DNAJC1: variants seen among roughly 807,000 people sequenced by gnomAD.
The protein encoded by DNAJC1 is dnaJ homolog subfamily C member 1.
In DNAJC1, 58 loss-of-function variants were observed where a neutral mutation model predicts 76.6. The ratio of observed to expected loss-of-function variants is 0.76; its 90% CI spans 0.61 to 0.94. DNAJC1 has a LOEUF of 0.94. DNAJC1 is among the 40% of genes least tolerant of loss of function. The pLI is 0.00. For synonymous variants in DNAJC1, 258 were observed against 267.9 expected (o/e 0.96, Z 0.36); for missense variants, 689 against 677.3 (o/e 1.02, Z -0.19).
intron 8 of DNAJC1, among the ~76,000 whole-genome samples, chr10:21,838,099 C>T (rs962724107): frequency 1.6e-4 from 23 of 147,860 alleles, no homozygotes; most frequent in South Asian, 4.3e-4. Context: ...CCCCTCTGCC[C>T]GGCCGCCACC....
intron 8 of DNAJC1, among the ~76,000 whole-genome samples, chr10:21,835,942 C>T (rs192905546): frequency 6.6e-6 from 1 of 152,298 alleles, no homozygotes; most frequent in African/African-American, 2.4e-5. Context: ...TCTAGCAAGG[C>T]AGGCCACCAT....
chr10:21,837,181 G>T (rs1044196237), intron 8 of DNAJC1, among the ~76,000 whole-genome samples: 1 of 152,182 alleles, frequency 6.6e-6, no homozygotes, highest in Admixed American at 6.5e-5. Context: ...CCGAGGTGCC[G>T]GGATTGCAGA....
intron 9 of DNAJC1, among the ~76,000 whole-genome samples, chr10:21,780,308 T>C (rs1267550456): frequency 6.6e-6 from 1 of 151,926 alleles, no homozygotes; most frequent in Non-Finnish European, 1.5e-5. Context: ...TTCACCAAAG[T>C]TGAAATGAAG....
chr10:21,872,225 C>G (rs892548033), intron 8 of DNAJC1, among the ~76,000 whole-genome samples: 2 of 151,892 alleles, frequency 1.3e-5, no homozygotes, highest in Non-Finnish European at 2.9e-5. Context: ...AGGTGCCCAC[C>G]ACCACACCCG....
intron 8 of DNAJC1, among the ~76,000 whole-genome samples, chr10:21,859,131 T>C (rs146939665): frequency 1.8e-3 from 267 of 152,326 alleles, no homozygotes; most frequent in Middle Eastern, 3.4e-3. Flanking sequence ...CTGTCACTGA[T>C]GAAAGCCCTG....
chr10:21,951,301 CAG>C (rs1200529638), intron 1 of DNAJC1, among the ~76,000 whole-genome samples: 1 of 150,304 alleles, frequency 6.7e-6, no homozygotes, highest in Admixed American at 6.6e-5. Context: ...GCCTGGGTGA[CAG>C]AGCGAGATCC....
At chr10:21,926,120 T>C (rs1837123741) in intron 3 of DNAJC1, among the ~76,000 whole-genome samples, 1 of 152,114 alleles carries the variant, frequency 6.6e-6, no homozygotes, top group Admixed American at 6.5e-5. Flanking sequence ...CCAGGCTAAC[T>C]TTTGTATTTT....
At chr10:21,807,280 G>A (rs1369421918) in intron 8 of DNAJC1, among the ~76,000 whole-genome samples, 1 of 152,156 alleles carries the variant, frequency 6.6e-6, no homozygotes, top group Non-Finnish European at 1.5e-5. Context: ...AGTCAGAGGT[G>A]AGTGACCCCA....
intron 8 of DNAJC1, among the ~76,000 whole-genome samples, chr10:21,816,910 T>C (rs756807738): frequency 7.1e-4 from 102 of 142,764 alleles, no homozygotes; most frequent in Non-Finnish European, 1.3e-3. Flanking sequence ...ACCCCAGCAC[T>C]TTGGGAGGCC....
chr10:21,799,370 C>T (rs1285664567), intron 9 of DNAJC1, among the ~76,000 whole-genome samples: 1 of 152,106 alleles, frequency 6.6e-6, no homozygotes, highest in East Asian at 1.9e-4. Flanking sequence ...ATGAACATGA[C>T]TCATTGCAAC....
chr10:21,932,445 C>T (rs1013435824), intron 1 of DNAJC1, among the ~76,000 whole-genome samples: 1 of 152,176 alleles, frequency 6.6e-6, no homozygotes, highest in Non-Finnish European at 1.5e-5. Flanking sequence ...ACTCCAAGTT[C>T]GTCCCTCCAG....
intron 8 of DNAJC1, among the ~76,000 whole-genome samples, chr10:21,834,126 C>A (rs950303665): frequency 6.6e-6 from 1 of 151,746 alleles, no homozygotes; most frequent in Non-Finnish European, 1.5e-5. Flanking sequence ...TAACCGGGCA[C>A]GGTGGCGGGC....
intron 9 of DNAJC1, among the ~76,000 whole-genome samples, chr10:21,782,636 G>A (rs954161275): frequency 2.0e-5 from 3 of 152,098 alleles, no homozygotes; most frequent in South Asian, 2.1e-4. Flanking sequence ...GATGAACATC[G>A]ATGCAAAAAT....
At chr10:21,910,185 G>A (rs1025326615) in intron 6 of DNAJC1, among the ~76,000 whole-genome samples, 4 of 151,412 alleles carry the variant, frequency 2.6e-5, no homozygotes, top group Middle Eastern at 3.4e-3. Context: ...GCAAGATCTC[G>A]GCTCACTGCA....
intron 8 of DNAJC1, among the ~76,000 whole-genome samples, chr10:21,807,558 C>T (rs1053719175): frequency 6.6e-6 from 1 of 152,210 alleles, no homozygotes; most frequent in Non-Finnish European, 1.5e-5. Context: ...ATTTGCAAAG[C>T]AAACTACTTT....
rs1834595397 is a variant in DNAJC1, at chr10:21,785,619, G to A, written c.1099-19310C>T. The A allele has an allele frequency of 2.0e-5, 3 of 152,206 alleles. No homozygotes were observed. In the South Asian group the frequency reaches 6.2e-4, roughly 32 times the overall value. 9.4% of individuals were successfully genotyped at this position (152,206 alleles called of 1,614,324 possible). The stretch of plus-strand genomic sequence containing the variant: ...TAAAACTGTCTTTGTTGAAGGGATA[G>A]TCTGGCAAGTGTTCCAAGTGGAAGT... On this transcript the variant is annotated intron_variant, in intron 9 of 11. Transcript: ENST00000376980.
intron 9 of DNAJC1, among the ~76,000 whole-genome samples, chr10:21,769,535 C>T (rs114179593): frequency 0.028 from 4,321 of 152,260 alleles, 97 homozygotes; most frequent in Middle Eastern, 0.065. Context: ...CCTTTTAAAT[C>T]CAAATCTTTC....
At position 21,774,448 on chromosome 10, in the gene DNAJC1, T is replaced by C. The variant is rs181019637; in HGVS notation, c.1099-8139A>G. Reference sequence around the variant, plus strand: ...GTCATGCTACAGCCTTTCATACACATTGTTTTTTCATCTTATATGAAAAAC... The same window carrying C: ...GTCATGCTACAGCCTTTCATACACACTGTTTTTTCATCTTATATGAAAAAC... On this transcript the variant is annotated intron_variant, in intron 9 of 11. Coordinates refer to ENST00000376980, the MANE Select transcript of DNAJC1 (RefSeq NM_022365.4). Among the ~76,000 whole-genome samples the C allele has an allele frequency of 2.2e-3, 341 of 152,322 alleles. 3 individuals carry two copies. Among genetic ancestry groups the C allele is most frequent in the African/African-American group, 7.8e-3 (325 of 41,582 alleles).
At chr10:21,761,119 G>A (rs1372103473) in intron 10 of DNAJC1, among the ~76,000 whole-genome samples, 1 of 152,204 alleles carries the variant, frequency 6.6e-6, no homozygotes, top group East Asian at 1.9e-4. Context: ...GGCAGAGGCT[G>A]CAGTGAGCCA....
Sources: gnomAD v4.1 joint callset for allele counts (sites outside exome capture counted in the v4.1 genomes callset) on GRCh38, gnomAD v4.1.1 for gene constraint, MANE v1.5 for transcripts, NCBI Gene and HGNC (gene_info 2026-07-23, HGNC 2026-07-21) for gene names.